Variants in GMEB1 observed in about 807,000 individuals in gnomAD.
GMEB1 encodes glucocorticoid modulatory element binding protein 1.
A neutral mutation model predicts 52.4 loss-of-function variants in GMEB1; 6 were observed. The ratio of observed to expected loss-of-function variants is 0.11; its 90% CI spans 0.06 to 0.23. The LOEUF is 0.23. Ranked by LOEUF, GMEB1 falls within the 10% of genes least tolerant of loss-of-function variation. GMEB1 has a pLI of 1.00. For missense variants in GMEB1, 486 were observed against 685.6 expected (o/e 0.71, Z 3.25); for synonymous variants, 255 against 244.9 (o/e 1.04, Z -0.38).
intron 9 of GMEB1, among the ~76,000 whole-genome samples, chr1:28,712,462 T>A (rs1671099129): frequency 1.3e-5 from 2 of 152,216 alleles, no homozygotes; most frequent in Admixed American, 1.3e-4. Context: ...TGGATCTTTC[T>A]GGTGACCAGC....
chr1:28,674,520 G>A (rs1353700885), intron 1 of GMEB1, among the ~76,000 whole-genome samples: 1 of 150,230 alleles, frequency 6.7e-6, no homozygotes, highest in Non-Finnish European at 1.5e-5. Flanking sequence ...TCAGCCTCCC[G>A]AGTAGCTGAG....
chr1:28,681,820 A>C (rs768938306), intron 1 of GMEB1, among the ~76,000 whole-genome samples: 3 of 151,968 alleles, frequency 2.0e-5, no homozygotes, highest in Non-Finnish European at 4.4e-5. Context: ...CTCCTGCCTC[A>C]GCCTCTCAAG....
In GMEB1 at chr1:28,693,282, G is replaced by A. The variant is rs892815595; in HGVS notation, c.440+237G>A. ...CGCTCAGGCTGGAGTGCAGTGGCAT[G>A]ATCTTGGCTCACTGCAACCTCCGCC... On this transcript the variant is annotated intron_variant, in intron 5 of 9. Coordinates refer to ENST00000373816, the MANE Select transcript of GMEB1 (RefSeq NM_001319674.2). Among the ~76,000 whole-genome samples, 3 of 151,122 alleles carry A rather than the reference G, an allele frequency of 2.0e-5. No homozygotes were observed. The East Asian group carries it at 5.8e-4, about 29-fold the overall frequency.
chr1:28,679,659 G>A (rs944493665), intron 1 of GMEB1, among the ~76,000 whole-genome samples: 1 of 152,114 alleles, frequency 6.6e-6, no homozygotes, highest in Admixed American at 6.6e-5. Flanking sequence ...ATGTGAGGTA[G>A]AGACTCAATA....
intron 2 of GMEB1, among the ~76,000 whole-genome samples, chr1:28,687,361 C>CACACACACACACACACACACA (rs1669698949): frequency 2.2e-5 from 1 of 46,144 alleles, no homozygotes; most frequent in Non-Finnish European, 4.3e-5. Flanking sequence ...CACACACACA[C>CACACACACACACACACACACA]ACACACACAC....
intron 1 of GMEB1, among the ~76,000 whole-genome samples, chr1:28,679,750 C>T (rs1199925736): frequency 1.3e-5 from 2 of 151,974 alleles, no homozygotes; most frequent in Admixed American, 6.6e-5. Flanking sequence ...TTATATCCCT[C>T]CCAGATAGGA....
intron 1 of GMEB1, among the ~76,000 whole-genome samples, chr1:28,680,214 CT>C (rs1400933411): frequency 2.0e-5 from 3 of 151,866 alleles, no homozygotes; most frequent in Non-Finnish European, 4.4e-5. Context: ...GATCCTGTCT[CT>C]ATCTTTAAAT....
intron 6 of GMEB1, among the ~76,000 whole-genome samples, chr1:28,698,852 C>T (rs945935335): frequency 2.0e-5 from 3 of 151,816 alleles, no homozygotes; most frequent in African/African-American, 7.3e-5. Flanking sequence ...GGTGTGGTGG[C>T]GCATGCCTGT....
rs1670823955 is a variant in GMEB1 at position 28,707,191 on chromosome 1, C to T, written c.868+2862C>T. 2.7e-5 allele frequency among the ~76,000 whole-genome samples: 4 copies of T among 150,184 alleles called. No individual in the cohort carries two copies. The South Asian group carries it at 8.4e-4, about 32-fold the overall frequency. ...TAGAGACGGGGTTTCACCGTGTTAG[C>T]CAGCGTGGTCTAGATCTCCTGACTT... On this transcript the variant is annotated intron_variant, in intron 8 of 9. Transcript: ENST00000373816.
chr1:28,683,052 C>T (rs1372241415), intron 1 of GMEB1, among the ~76,000 whole-genome samples: 2 of 152,042 alleles, frequency 1.3e-5, no homozygotes, highest in South Asian at 2.1e-4. Flanking sequence ...GGATGAGTCA[C>T]ACGTACTAAG....
chr1:28,671,123 C>A (rs1330549877), intron 1 of GMEB1, among the ~76,000 whole-genome samples: 1 of 152,144 alleles, frequency 6.6e-6, no homozygotes, highest in African/African-American at 2.4e-5. Flanking sequence ...CTCATTACAT[C>A]TTGTAGCACT....
chr1:28,675,063 G>A (rs1382006284), intron 1 of GMEB1, among the ~76,000 whole-genome samples: 1 of 136,440 alleles, frequency 7.3e-6, no homozygotes, highest in African/African-American at 2.7e-5. Flanking sequence ...TGTCGTCCAG[G>A]CTGGAGTGCA....
In GMEB1 at chr1:28,690,201, G is replaced by GTTTT; in HGVS notation, c.211+16_211+17insTTTT. The GTTTT allele has an allele frequency of 2.9e-5, 17 of 582,810 alleles. No individual in the cohort carries two copies. The highest frequency in any genetic ancestry group is 3.8e-5 in the Non-Finnish European group (15 of 390,776). The allele number at this position is 582,810 out of a possible 1,614,324, so 36.1% of individuals were successfully genotyped here. On this transcript the variant is annotated intron_variant, in intron 3 of 9. Coordinates refer to ENST00000373816, the MANE Select transcript of GMEB1 (RefSeq NM_001319674.2). Reference sequence around the variant, plus strand: ...AGAAGGGATTGGTAAGGGTTTTTTTGTGTTTTTTTTTTTTTTTTTTTTTGT... The same window carrying GTTTT: ...AGAAGGGATTGGTAAGGGTTTTTTTGTTTTTGTTTTTTTTTTTTTTTTTTTTTGT...
chr1:28,697,700 C>T (rs997336216), intron 6 of GMEB1, among the ~76,000 whole-genome samples: 1 of 152,180 alleles, frequency 6.6e-6, no homozygotes, highest in African/African-American at 2.4e-5. Context: ...TCAGTAGTTA[C>T]AATACTTACA....
At chr1:28,713,848 T>TA (rs1671169173) in intron 9 of GMEB1, among the ~76,000 whole-genome samples, 1 of 152,052 alleles carries the variant, frequency 6.6e-6, no homozygotes, top group South Asian at 2.1e-4. Context: ...AGTTCGAGGC[T>TA]ATAGTGCGCA....
At chr1:28,713,829 G>A (rs1326300676) in intron 9 of GMEB1, among the ~76,000 whole-genome samples, 1 of 152,148 alleles carries the variant, frequency 6.6e-6, no homozygotes, top group Non-Finnish European at 1.5e-5. Flanking sequence ...TGGATCGCTT[G>A]AGGCCAGAAG....
intron 1 of GMEB1, among the ~76,000 whole-genome samples, chr1:28,673,939 A>G (rs1301166010): frequency 6.6e-6 from 1 of 151,950 alleles, no homozygotes. Flanking sequence ...CGAGGTCAGG[A>G]GTTCAAGACC....
chr1:28,702,693 T>C (rs1670573145), intron 7 of GMEB1, 124 bp downstream of exon 7: 3 of 746,070 alleles, frequency 4.0e-6, no homozygotes, highest in Non-Finnish European at 2.2e-6. Context: ...AAATACTAAC[T>C]ATAGCTACAA....
In GMEB1 at chr1:28,717,613, CA is replaced by C. The variant is rs1306165966; in HGVS notation, c.*2843del. The C allele has an allele frequency of 1.3e-5, 2 of 152,224 alleles. No individual in the cohort carries two copies. The highest frequency in any genetic ancestry group is 2.9e-5 in the Non-Finnish European group (2 of 68,042). The allele number at this position is 152,224 out of a possible 1,614,324, so 9.4% of individuals were successfully genotyped here. Reference sequence around the variant, plus strand: ...AATAGACTTAGCAATCAATTTAGAACAAATATTTGGCCCTTAATATATCTTT... The same window carrying C: ...AATAGACTTAGCAATCAATTTAGAACAATATTTGGCCCTTAATATATCTTT... On this transcript the variant is annotated 3_prime_UTR_variant, in exon 10 of 10. Coordinates refer to ENST00000373816, the MANE Select transcript of GMEB1 (RefSeq NM_001319674.2).
Sources: allele counts gnomAD v4.1 joint callset (sites outside exome capture counted in the v4.1 genomes callset), GRCh38; gene constraint gnomAD v4.1.1; transcripts MANE v1.5; gene names NCBI Gene and HGNC (gene_info 2026-07-23, HGNC 2026-07-21).